RUNX1: variants seen among roughly 807,000 people sequenced by gnomAD.
RUNX1 encodes the protein runt-related transcription factor 1.
A neutral mutation model predicts 42.8 loss-of-function variants in RUNX1; 19 were observed. The ratio of observed to expected loss-of-function variants is 0.44; its 90% confidence interval spans 0.31 to 0.65. The LOEUF (loss-of-function observed/expected upper bound fraction) is 0.65, where lower values mean the gene tolerates loss of function less well. Among genes scored for constraint, RUNX1 ranks in the 30% least tolerant of loss-of-function variants. The pLI is 0.07. For synonymous variants in RUNX1, 271 were observed against 289.4 expected (o/e 0.94, Z 0.64); for missense variants, 528 against 672.0 (o/e 0.79, Z 2.37).
intron 2 of RUNX1, among the ~76,000 whole-genome samples, chr21:34,920,919 C>T (rs562966898): frequency 7.9e-5 from 12 of 152,192 alleles, no homozygotes; most frequent in East Asian, 5.8e-4. Context: ...AGTGCAGTGG[C>T]GTGATCTTGG....
intron 5 of RUNX1, among the ~76,000 whole-genome samples, chr21:34,869,827 AC>A (rs964161339): frequency 1.3e-5 from 2 of 152,178 alleles, no homozygotes; most frequent in African/African-American, 4.8e-5. Context: ...AGCCTGTGTA[AC>A]CCAGCGACAG....
chr21:35,002,280 C>G lies in RUNX1; in HGVS notation c.58+46562G>C, dbSNP rs115177200. Reference sequence around the variant, plus strand: ...GAGTATGCCACATGACACTCATCACCTTCTCAGCGTGCCCCTCCTTCACCA... The same window carrying G: ...GAGTATGCCACATGACACTCATCACGTTCTCAGCGTGCCCCTCCTTCACCA... On this transcript the variant is annotated intron_variant, in intron 2 of 8. Coordinates refer to ENST00000675419, the MANE Select transcript of RUNX1 (RefSeq NM_001754.5). Among the ~76,000 whole-genome samples, 376 of 152,042 alleles carry G rather than the reference C, an allele frequency of 2.5e-3. 1 individual carries two copies. The highest frequency in any genetic ancestry group is 8.4e-3 in the African/African-American group (348 of 41,472).
At chr21:34,987,986 G>C (rs2058905069) in intron 2 of RUNX1, among the ~76,000 whole-genome samples, 1 of 152,108 alleles carries the variant, frequency 6.6e-6, no homozygotes, top group African/African-American at 2.4e-5. Context: ...TATAGAATGA[G>C]ACAATTCATG....
chr21:34,849,314 A>ATATATATTATATATAG (rs1569051962), intron 6 of RUNX1, among the ~76,000 whole-genome samples: 28 of 37,586 alleles, frequency 7.4e-4, no homozygotes, highest in African/African-American at 2.3e-3. Flanking sequence ...AATATATATT[A>ATATATATTATATATAG]TATATATATT....
At chr21:34,807,213 G>C (rs972457033) in intron 7 of RUNX1, among the ~76,000 whole-genome samples, 1 of 152,060 alleles carries the variant, frequency 6.6e-6, no homozygotes, top group African/African-American at 2.4e-5. Flanking sequence ...CTTTGTCCTC[G>C]TGCTCCCCAC....
chr21:34,945,193 C>T (rs2058555510), intron 2 of RUNX1, among the ~76,000 whole-genome samples: 1 of 152,182 alleles, frequency 6.6e-6, no homozygotes, highest in Admixed American at 6.5e-5. Flanking sequence ...AGTATGCACA[C>T]ATCTACAGTT....
At chr21:34,894,009 T>C (rs757126539) in intron 2 of RUNX1, among the ~76,000 whole-genome samples, 11 of 152,166 alleles carry the variant, frequency 7.2e-5, no homozygotes, top group Non-Finnish European at 1.6e-4. Flanking sequence ...AGATTGTGGT[T>C]CACAAGTAGA....
chr21:34,939,362 A>G (rs1433184279), intron 2 of RUNX1, among the ~76,000 whole-genome samples: 1 of 152,230 alleles, frequency 6.6e-6, no homozygotes, highest in Non-Finnish European at 1.5e-5. Context: ...TTGACGATGC[A>G]GTCATTTTGC....
chr21:34,814,722 C>T (rs2056802204), intron 7 of RUNX1, among the ~76,000 whole-genome samples: 1 of 152,186 alleles, frequency 6.6e-6, no homozygotes. Flanking sequence ...ACCGTTTGTG[C>T]TGAGCAGGAC....
chr21:34,905,753 G>A (rs995462019), intron 2 of RUNX1, among the ~76,000 whole-genome samples: 10 of 151,972 alleles, frequency 6.6e-5, no homozygotes, highest in African/African-American at 2.4e-4. Flanking sequence ...TACTTCCTTG[G>A]TTTTTACTAA....
At chr21:34,984,459 T>C (rs975647352) in intron 2 of RUNX1, among the ~76,000 whole-genome samples, 6 of 152,150 alleles carry the variant, frequency 3.9e-5, no homozygotes, top group South Asian at 2.1e-4. Flanking sequence ...ATATAACTTA[T>C]CTGTGGGGGA....
chr21:35,003,142 C>A (rs537801498), intron 2 of RUNX1, among the ~76,000 whole-genome samples: 1 of 152,212 alleles, frequency 6.6e-6, no homozygotes, highest in Non-Finnish European at 1.5e-5. Context: ...ATGTACTGCT[C>A]CTTGAATCAG....
At chr21:34,889,428 C>T (rs1037502467) in intron 3 of RUNX1, among the ~76,000 whole-genome samples, 40 of 152,176 alleles carry the variant, frequency 2.6e-4, no homozygotes, top group African/African-American at 9.2e-4. Flanking sequence ...GATCCCTCCG[C>T]GCGTCTCACT....
chr21:34,938,381 G>A (rs761147586), intron 2 of RUNX1, among the ~76,000 whole-genome samples: 2 of 152,042 alleles, frequency 1.3e-5, no homozygotes, highest in Non-Finnish European at 2.9e-5. Context: ...ATGAAAAATC[G>A]GAATGGCTTT....
At chr21:34,844,854 G>C (rs2057294358) in intron 6 of RUNX1, among the ~76,000 whole-genome samples, 2 of 152,248 alleles carry the variant, frequency 1.3e-5, no homozygotes, top group South Asian at 4.1e-4. Flanking sequence ...CCCTTGGACA[G>C]ATGGCTGAGC....
At chr21:34,995,435 C>CTTTTTT (rs5843694) in intron 2 of RUNX1, among the ~76,000 whole-genome samples, 17 of 82,094 alleles carry the variant, frequency 2.1e-4, no homozygotes, top group East Asian at 4.5e-4. Context: ...TTTCTGGGAG[C>CTTTTTT]TTTTTTTTTT....
intron 2 of RUNX1, among the ~76,000 whole-genome samples, chr21:34,971,322 T>C (rs2058762103): frequency 1.3e-5 from 2 of 152,190 alleles, no homozygotes; most frequent in South Asian, 4.1e-4. Context: ...CCTTAATTGA[T>C]TTCTAAATAA....
At chr21:34,916,054 G>T (rs1444908157) in intron 2 of RUNX1, among the ~76,000 whole-genome samples, 7 of 152,108 alleles carry the variant, frequency 4.6e-5, no homozygotes, top group African/African-American at 9.7e-5. Context: ...GGGGAGAGGG[G>T]GAAGAGTCAT....
rs187014043 is a variant in RUNX1 at position 34,835,630 on chromosome 21, G to A, written c.614-1029C>T. On this transcript the variant is annotated intron_variant, in intron 6 of 8. Transcript: ENST00000675419. ...GCTCCAAGGTAGGGAGGTAGCCACA[G>A]GAGGCCTGGGCCATTCATTTCTCTT... 1.2e-4 allele frequency among the ~76,000 whole-genome samples: 19 copies of A among 152,298 alleles called. No individual in the cohort carries two copies. In the East Asian group the frequency reaches 3.7e-3, roughly 29 times the overall value.
Sources: gnomAD v4.1 joint callset for allele counts (sites outside exome capture counted in the v4.1 genomes callset) on GRCh38, gnomAD v4.1.1 for gene constraint, MANE v1.5 for transcripts, NCBI Gene and HGNC (gene_info 2026-07-23, HGNC 2026-07-21) for gene names.